The following NXNL2 variants were observed in gnomAD, a reference collection of about 807,000 sequenced individuals.
NXNL2 encodes nucleoredoxin-like protein 2.
Under a neutral mutation model 11.1 loss-of-function variants are expected in NXNL2, and 7 were observed. That is an observed-to-expected ratio of 0.63 (90% CI 0.36 to 1.18). NXNL2 has a LOEUF of 1.18. Ranked by LOEUF, NXNL2 falls within the 50% of genes most tolerant of loss-of-function variation. The pLI is 0.02. For synonymous variants in NXNL2, 109 were observed against 101.8 expected, an observed-to-expected ratio of 1.07 and a Z score of -0.42; for missense variants, 233 against 217.7, an observed-to-expected ratio of 1.07 and a Z score of -0.44.
In NXNL2 at chr9:88,539,512, C is replaced by G. The variant is rs546291416; in HGVS notation, c.302+3776C>G. Among the ~76,000 whole-genome samples, 5 of 152,316 alleles carry G rather than the reference C, an allele frequency of 3.3e-5. No homozygotes were observed. The East Asian group carries it at 9.7e-4, about 29-fold the overall frequency. ...CCAGCCGGACCGTCTACTTTCCTTTCTGGAAGTGACGTGTGCGAGCCCTGC... is the reference window on the plus strand; with the variant it reads ...CCAGCCGGACCGTCTACTTTCCTTTGTGGAAGTGACGTGTGCGAGCCCTGC... On this transcript the variant is annotated intron_variant, in intron 1 of 1. Transcript: ENST00000375854.
intron 1 of NXNL2, among the ~76,000 whole-genome samples, chr9:88,563,576 C>T (rs1442658815): frequency 6.6e-6 from 1 of 152,180 alleles, no homozygotes; most frequent in Non-Finnish European, 1.5e-5. Flanking sequence ...TATTGCTTTG[C>T]CCATACAGCC....
chr9:88,582,056 A>G (rs1350237158), intron 1 of NXNL2, among the ~76,000 whole-genome samples: 1 of 151,972 alleles, frequency 6.6e-6, no homozygotes, highest in African/African-American at 2.4e-5. Flanking sequence ...CTCATTCACT[A>G]CTTCTGTCAT....
intron 1 of NXNL2, among the ~76,000 whole-genome samples, chr9:88,554,629 G>A (rs1829987019): frequency 6.6e-6 from 1 of 152,160 alleles, no homozygotes; most frequent in African/African-American, 2.4e-5. Flanking sequence ...AGAATTATAT[G>A]TCTGCACTGA....
At chr9:88,562,933 C>A (rs1830105080) in intron 1 of NXNL2, among the ~76,000 whole-genome samples, 1 of 151,366 alleles carries the variant, frequency 6.6e-6, no homozygotes, top group Non-Finnish European at 1.5e-5. Flanking sequence ...ACTAAAAATA[C>A]AAAAATTAGC....
At chr9:88,564,285 T>TTACC (rs1830134633) in intron 1 of NXNL2, among the ~76,000 whole-genome samples, 3 of 140,160 alleles carry the variant, frequency 2.1e-5, no homozygotes. Flanking sequence ...TATCTATCTA[T>TTACC]TATCTATCTA....
exon 3 of NXNL2, chr9:88,575,167 C>A: frequency 1.0e-6 from 1 of 985,164 alleles, no homozygotes; most frequent in Non-Finnish European, 1.2e-6. Context: ...CCCCCCGCAC[C>A]ATCCGTGTCC....
intron 1 of NXNL2, among the ~76,000 whole-genome samples, chr9:88,541,602 C>G (rs1829763062): frequency 6.6e-6 from 1 of 152,174 alleles, no homozygotes; most frequent in African/African-American, 2.4e-5. Flanking sequence ...TCCTGAGAAC[C>G]AGGTTGGGTT....
chr9:88,578,614 T>C (rs1830375632), downstream of NXNL2, among the ~76,000 whole-genome samples: 1 of 152,248 alleles, frequency 6.6e-6, no homozygotes. Context: ...CCGGTCCGGC[T>C]GGTCAGCCAG....
rs71507764 is a variant in NXNL2 at position 88,540,935 on chromosome 9, A to ATTTTTTT, written c.303-3423_303-3417dup. Among the ~76,000 whole-genome samples the ATTTTTTT allele has an allele frequency of 2.5e-4, 23 of 91,080 alleles. 4 individuals carry two copies. The highest frequency in any genetic ancestry group is 1.1e-3 in the African/African-American group (22 of 20,196). 59.8% of individuals were successfully genotyped at this position (91,080 alleles called of 152,430 possible). ...CTTTTTCCTTGCTCAATCTCAGTAG[A>ATTTTTTT]TTTTTTTTTTTTTTTTTTTTTTTTT... is the stretch of plus-strand genomic sequence containing the variant. On this transcript the variant is annotated intron_variant, in intron 1 of 1. Coordinates refer to ENST00000375854, the MANE Select transcript of NXNL2 (RefSeq NM_001161625.2).
chr9:88,573,761 A>G (rs1464631784), intron 2 of NXNL2, among the ~76,000 whole-genome samples: 1 of 152,198 alleles, frequency 6.6e-6, no homozygotes, highest in Non-Finnish European at 1.5e-5. Flanking sequence ...TGTACACTAA[A>G]ATGGTTAGGA....
At chr9:88,541,909 A>G (rs1482571699) in intron 1 of NXNL2, among the ~76,000 whole-genome samples, 2 of 152,156 alleles carry the variant, frequency 1.3e-5, no homozygotes, top group Non-Finnish European at 2.9e-5. Context: ...TATAACATAC[A>G]GTTAGTTTTA....
chr9:88,575,120 G>C, exon 3 of NXNL2: 2 of 985,056 alleles, frequency 2.0e-6, no homozygotes, highest in Non-Finnish European at 2.4e-6. Context: ...GAAAGATATT[G>C]AAGAGGAGTT....
chr9:88,546,148 C>T (rs1353062682), downstream of NXNL2, among the ~76,000 whole-genome samples: 2 of 147,376 alleles, frequency 1.4e-5, no homozygotes, highest in African/African-American at 2.5e-5. Context: ...ACTGAGTGTT[C>T]GTGTGTGTGT....
chr9:88,570,843 A>G (rs1587855539), intron 1 of NXNL2, among the ~76,000 whole-genome samples: 1 of 151,808 alleles, frequency 6.6e-6, no homozygotes, highest in Middle Eastern at 3.4e-3. Context: ...CCTGGGTTCA[A>G]ACGATTCTTC....
intron 1 of NXNL2, among the ~76,000 whole-genome samples, chr9:88,564,999 A>G (rs1830147430): frequency 6.6e-6 from 1 of 152,126 alleles, no homozygotes; most frequent in Admixed American, 6.5e-5. Context: ...CTTCATATCC[A>G]TTGAGTAGCA....
rs1302778740 is a variant in NXNL2, at chr9:88,535,518, G to A, written c.84G>A (p.Val28=). The change falls in exon 1 of 2, where the codon GTG becomes GTA. Residue 28 remains valine (V), a synonymous_variant. Transcript: ENST00000375854. The stretch of plus-strand genomic sequence containing the variant: ...CCGAGGCGGCGCTGCAGAACAAGGT[G>A]GTGGCACTGTACTTCGCGGCGGCCC... ...VEAEAALQNK[V]VALYFAAARC... 2.8e-5 allele frequency: 45 copies of A among 1,610,288 alleles called. No individual in the cohort carries two copies. Among genetic ancestry groups the A allele is most frequent in the Non-Finnish European group, 3.7e-5 (44 of 1,179,490 alleles).
chr9:88,576,382 A>T (rs1223455930), downstream of NXNL2, among the ~76,000 whole-genome samples: 1 of 152,164 alleles, frequency 6.6e-6, no homozygotes, highest in African/African-American at 2.4e-5. Flanking sequence ...ACTCACACTT[A>T]TGTGGTGGCC....
intron 1 of NXNL2, among the ~76,000 whole-genome samples, chr9:88,552,096 T>C (rs1487437400): frequency 1.3e-5 from 2 of 152,230 alleles, no homozygotes; most frequent in Admixed American, 6.5e-5. Context: ...AGCCACTGGC[T>C]CCCAGTCATT....
chr9:88,582,972 G>A (rs955967332), intron 1 of NXNL2, among the ~76,000 whole-genome samples: 1 of 152,166 alleles, frequency 6.6e-6, no homozygotes, highest in African/African-American at 2.4e-5. Flanking sequence ...CTGGCCCAAC[G>A]ATACCCCTTT....
Sources: allele counts gnomAD v4.1 joint callset (sites outside exome capture counted in the v4.1 genomes callset), GRCh38; gene constraint gnomAD v4.1.1; transcripts MANE v1.5; gene names NCBI Gene and HGNC (gene_info 2026-07-23, HGNC 2026-07-21).